Variants in AGMO observed in about 807,000 individuals in gnomAD.
AGMO encodes glyceryl-ether monooxygenase.
In AGMO, 75 loss-of-function variants were observed where a neutral mutation model predicts 60.2. The observed-to-expected ratio is 1.25, with a 90% CI of 1.03 to 1.51. The LOEUF (loss-of-function observed/expected upper bound fraction) is 1.51. Ranked by LOEUF, AGMO falls within the 40% of genes most tolerant of loss-of-function variation. The pLI is 0.00. For missense variants in AGMO, 763 were observed against 525.5 expected (o/e 1.45, Z -4.42); for synonymous variants, 261 against 177.1 (o/e 1.47, Z -3.76).
At chr7:15,363,648 C>T (rs1039595983) in intron 12 of AGMO, among the ~76,000 whole-genome samples, 1 of 152,140 alleles carries the variant, frequency 6.6e-6, no homozygotes, top group South Asian at 2.1e-4. Flanking sequence ...TTATCACTAG[C>T]GTTCATCACA....
At chr7:15,272,270 C>A (rs1783637848) in intron 12 of AGMO, among the ~76,000 whole-genome samples, 1 of 102,032 alleles carries the variant, frequency 9.8e-6, no homozygotes, top group Non-Finnish European at 1.9e-5. Context: ...CTAATGCTAT[C>A]CCTCCCCCCT....
the AGMO span, among the ~76,000 whole-genome samples, chr7:15,147,131 A>C: frequency 3.3e-5 from 5 of 152,140 alleles, no homozygotes; most frequent in African/African-American, 1.2e-4. Flanking sequence ...CTCAGGGTCC[A>C]AGGTGGCTCA....
Position 15,454,007 on chromosome 7 carries a change from T to C in AGMO, c.410-22899A>G, listed in dbSNP as rs1583568774. On this transcript the variant is annotated intron_variant, in intron 3 of 12. Transcript: ENST00000342526. ...ACCTAATATATATTTTAAAAGTATA[T>C]ACATAAAATATGTTTATATATTTTT... Among the ~76,000 whole-genome samples, 2 of 148,314 alleles carry C rather than the reference T, an allele frequency of 1.3e-5. 1 individual carries two copies. Among genetic ancestry groups the C allele is most frequent in the South Asian group, 4.2e-4 (2 of 4,778 alleles).
chr7:15,198,251 G>GAGAGAC (rs71004369), downstream of AGMO, among the ~76,000 whole-genome samples: 2,133 of 74,056 alleles, frequency 0.029, 34 homozygotes, highest in African/African-American at 0.069. Flanking sequence ...GAGAGAGAGA[G>GAGAGAC]AGAGACAGAG....
At chr7:15,438,111 C>A (rs57618013) in intron 3 of AGMO, among the ~76,000 whole-genome samples, 2 of 151,902 alleles carry the variant, frequency 1.3e-5, no homozygotes, top group African/African-American at 4.8e-5. Context: ...ATTTTTAGTA[C>A]GAAGTAAAAA....
At chr7:15,313,355 A>G (rs531378482) in intron 12 of AGMO, among the ~76,000 whole-genome samples, 1 of 152,328 alleles carries the variant, frequency 6.6e-6, no homozygotes, top group South Asian at 2.1e-4. Context: ...TTTACAAATG[A>G]GGAACTAGAA....
rs553769903 is a variant in AGMO, at chr7:15,557,105, C to T, written c.257+3036G>A. On this transcript the variant is annotated intron_variant, in intron 2 of 12. Coordinates refer to ENST00000342526, the MANE Select transcript of AGMO (RefSeq NM_001004320.2). ...AGGCACGCTATTAATCTTTAAGGTA[C>T]CTGAAATTTTATGTAATCCTGAAAT... Among the ~76,000 whole-genome samples the T allele has an allele frequency of 9.9e-5, 15 of 152,042 alleles. No homozygotes were observed. In the South Asian group the frequency reaches 2.5e-3, roughly 25 times the overall value.
intron 12 of AGMO, among the ~76,000 whole-genome samples, chr7:15,233,919 C>T (rs922011746): frequency 6.6e-6 from 1 of 152,104 alleles, no homozygotes; most frequent in Admixed American, 6.5e-5. Context: ...TGGTGGTGCG[C>T]CCCTGTAATC....
At chr7:15,236,525 C>A (rs950579487) in intron 12 of AGMO, among the ~76,000 whole-genome samples, 8 of 152,048 alleles carry the variant, frequency 5.3e-5, no homozygotes, top group African/African-American at 1.7e-4. Flanking sequence ...AATGCTGTTT[C>A]AAGATCCCTG....
intron 12 of AGMO, among the ~76,000 whole-genome samples, chr7:15,295,011 AT>A (rs1201746192): frequency 3.3e-5 from 5 of 151,944 alleles, no homozygotes; most frequent in African/African-American, 1.2e-4. Context: ...AACCAAATAT[AT>A]TTTTTAAATA....
At chr7:15,375,619 A>T (rs1006427527) in intron 10 of AGMO, among the ~76,000 whole-genome samples, 1 of 151,210 alleles carries the variant, frequency 6.6e-6, no homozygotes, top group African/African-American at 2.4e-5. Flanking sequence ...CAGGTCTCAA[A>T]CTCCTGACCT....
the AGMO span, among the ~76,000 whole-genome samples, chr7:15,151,544 G>T: frequency 1.3e-5 from 2 of 151,914 alleles, no homozygotes; most frequent in African/African-American, 4.8e-5. Flanking sequence ...ATTTTTTTCT[G>T]TTTTAATTTA....
chr7:15,120,544 G>T, the AGMO span, among the ~76,000 whole-genome samples: 1 of 152,076 alleles, frequency 6.6e-6, no homozygotes, highest in Non-Finnish European at 1.5e-5. Flanking sequence ...GAAGAAGGAA[G>T]ACTACAACTC....
At chr7:15,455,908 C>CT (rs929354966) in intron 3 of AGMO, among the ~76,000 whole-genome samples, 2 of 152,008 alleles carry the variant, frequency 1.3e-5, no homozygotes, top group African/African-American at 4.8e-5. Context: ...TTTTTGTTTA[C>CT]TTACTTGAGG....
the AGMO span, among the ~76,000 whole-genome samples, chr7:15,143,683 T>C: frequency 0.023 from 3,417 of 149,544 alleles, 113 homozygotes; most frequent in African/African-American, 0.078. Flanking sequence ...TTTGTTTTGT[T>C]TTGTCTTTTT....
rs1316736954 is a variant in AGMO, at chr7:15,369,912, T to C, written c.1075-3690A>G. On this transcript the variant is annotated intron_variant, in intron 10 of 12. Coordinates refer to ENST00000342526, the MANE Select transcript of AGMO (RefSeq NM_001004320.2). Reference sequence around the variant, plus strand: ...CTGAATCTATTTCATTTTTTACAAATTCAAATTTTATTTTAGGTTCAGGAG... The same window carrying C: ...CTGAATCTATTTCATTTTTTACAAACTCAAATTTTATTTTAGGTTCAGGAG... 2.0e-5 allele frequency among the ~76,000 whole-genome samples: 3 copies of C among 152,194 alleles called. No homozygotes were observed. In the East Asian group the frequency reaches 5.8e-4, roughly 29 times the overall value.
At chr7:15,338,267 A>C (rs1182637460) in intron 12 of AGMO, among the ~76,000 whole-genome samples, 1 of 152,216 alleles carries the variant, frequency 6.6e-6, no homozygotes, top group African/African-American at 2.4e-5. Flanking sequence ...CCAAGTTGCA[A>C]AACATTTTCA....
chr7:15,319,115 C>A (rs1366221099), intron 12 of AGMO, among the ~76,000 whole-genome samples: 1 of 151,982 alleles, frequency 6.6e-6, no homozygotes, highest in Non-Finnish European at 1.5e-5. Flanking sequence ...TTCTATTTTT[C>A]AAGAAGTTGA....
At chr7:15,170,244 C>G in the AGMO span, among the ~76,000 whole-genome samples, 1 of 152,146 alleles carries the variant, frequency 6.6e-6, no homozygotes, top group African/African-American at 2.4e-5. Flanking sequence ...ATGAGAGTAT[C>G]GACCTTACCT....
Sources: gnomAD v4.1 joint callset for allele counts (sites outside exome capture counted in the v4.1 genomes callset) on GRCh38, gnomAD v4.1.1 for gene constraint, MANE v1.5 for transcripts, NCBI Gene and HGNC (gene_info 2026-07-23, HGNC 2026-07-21) for gene names.